PACRGL: variants seen among roughly 807,000 people sequenced by gnomAD.
PACRGL encodes the protein PACRG-like protein.
A neutral mutation model predicts 34.5 loss-of-function variants in PACRGL; 38 were observed. The observed-to-expected ratio is 1.10, with a 90% CI of 0.85 to 1.44. The LOEUF (loss-of-function observed/expected upper bound fraction) is 1.44, where lower values mean the gene tolerates loss of function less well. PACRGL is among the 40% of genes most tolerant of loss of function. The pLI is 0.00. For missense variants in PACRGL, 305 were observed against 281.4 expected (o/e 1.08, Z -0.60); for synonymous variants, 128 against 100.1 (o/e 1.28, Z -1.66).
chr4:20,709,814 A>C, intron 5 of PACRGL, 41 bp downstream of exon 5: 1 of 1,482,430 alleles, frequency 6.7e-7, no homozygotes, highest in South Asian at 1.2e-5. Flanking sequence ...GAAAATAAAC[A>C]TTAAAAATTG....
At chr4:20,698,350 A>G (rs1412450155), upstream of PACRGL, among the ~76,000 whole-genome samples, 3 of 152,124 alleles carry the variant, frequency 2.0e-5, no homozygotes, top group Non-Finnish European at 4.4e-5. Flanking sequence ...AAACCTTAAA[A>G]CCTGAATAGA....
intron 7 of PACRGL, among the ~76,000 whole-genome samples, chr4:20,723,884 C>G (rs1357411317): frequency 6.6e-6 from 1 of 152,116 alleles, no homozygotes; most frequent in African/African-American, 2.4e-5. Context: ...TTACCACTAA[C>G]TATGAGACAG....
chr4:20,702,224 A>C (rs1732488494), intron 1 of PACRGL: 2 of 456,480 alleles, frequency 4.4e-6, no homozygotes, highest in African/African-American at 4.0e-5. Flanking sequence ...CTGAATTGGT[A>C]GGTAGTATTG....
intron 7 of PACRGL, chr4:20,716,134 A>G: frequency 6.7e-7 from 1 of 1,501,658 alleles, no homozygotes. Flanking sequence ...GAGGTTCCCA[A>G]GACCACTCTT....
chr4:20,739,578 C>T (rs1320453094), intron 8 of PACRGL, among the ~76,000 whole-genome samples: 7 of 152,126 alleles, frequency 4.6e-5, no homozygotes, highest in Non-Finnish European at 1.0e-4. Flanking sequence ...CACACCAAAA[C>T]CCCATCTTTA....
chr4:20,740,176 G>A (rs901436979), intron 8 of PACRGL, among the ~76,000 whole-genome samples: 1 of 152,006 alleles, frequency 6.6e-6, no homozygotes, highest in African/African-American at 2.4e-5. Context: ...ATATTATCCA[G>A]GAGAACTTGC....
intron 4 of PACRGL, among the ~76,000 whole-genome samples, chr4:20,708,965 T>TA (rs35039845): frequency 0.42 from 59,192 of 140,644 alleles, 13,059 homozygotes; most frequent in African/African-American, 0.6. Context: ...CATCTCTACT[T>TA]AAAAAAAAAA....
At chr4:20,714,851 T>C (rs1739058949) in intron 7 of PACRGL, among the ~76,000 whole-genome samples, 1 of 152,196 alleles carries the variant, frequency 6.6e-6, no homozygotes, top group Admixed American at 6.5e-5. Flanking sequence ...TCAACCATTG[T>C]GGAAGTCAGT....
At chr4:20,715,444 A>T (rs1044896277) in intron 7 of PACRGL, among the ~76,000 whole-genome samples, 15 of 152,268 alleles carry the variant, frequency 9.9e-5, no homozygotes, top group African/African-American at 3.1e-4. Context: ...TAAAATAAAA[A>T]AAACCTTAAA....
intron 7 of PACRGL, among the ~76,000 whole-genome samples, chr4:20,718,617 T>C (rs1003627047): frequency 2.6e-5 from 4 of 152,260 alleles, no homozygotes; most frequent in Non-Finnish European, 5.9e-5. Context: ...TCTGTTTATA[T>C]GCTGGATTAC....
chr4:20,763,448 CAGA>C, the PACRGL span, among the ~76,000 whole-genome samples: 1 of 152,102 alleles, frequency 6.6e-6, no homozygotes, highest in African/African-American at 2.4e-5. Context: ...CTGTGTCATC[CAGA>C]AGGAGGAAAA....
At chr4:20,704,843 A>C (rs1733824609) in intron 3 of PACRGL, 29 bp downstream of exon 3, 2 of 1,609,350 alleles carry the variant, frequency 1.2e-6, no homozygotes, top group Admixed American at 1.7e-5. Flanking sequence ...CTAACTCAGT[A>C]GATTTTTTAA....
Position 20,730,696 on chromosome 4 carries a change from A to C in PACRGL, c.*3355A>C, listed in dbSNP as rs183615275. ...AGCCTTTAAAAATGAATGGTCTCTC[A>C]ATTACAGAGAAAGAATTGGGGAGCA... On this transcript the variant is annotated 3_prime_UTR_variant, in exon 9 of 9. Transcript: ENST00000503585. Among the ~76,000 whole-genome samples, 2 of 152,296 alleles carry C rather than the reference A, an allele frequency of 1.3e-5. No homozygotes were observed. The highest frequency in any genetic ancestry group is 6.5e-5 in the Admixed American group (1 of 15,290).
intron 3 of PACRGL, 61 bp from the exon 4 acceptor site, chr4:20,707,742 G>A: frequency 7.0e-7 from 1 of 1,423,016 alleles, no homozygotes; most frequent in Non-Finnish European, 9.9e-7. Flanking sequence ...AAAGCAAAAT[G>A]GCTGTGTGCT....
At chr4:20,707,768 A>G (rs1244081858) in intron 3 of PACRGL, 35 bp from the exon 4 acceptor site, 2 of 1,571,182 alleles carry the variant, frequency 1.3e-6, no homozygotes, top group East Asian at 2.2e-5. Context: ...CCTCAGAAGT[A>G]TAGGTGATAG....
At chr4:20,707,931 C>T in intron 4 of PACRGL, 61 bp downstream of exon 4, 2 of 1,230,724 alleles carry the variant, frequency 1.6e-6, no homozygotes, top group Admixed American at 1.8e-5. Context: ...AAAATGAATA[C>T]AATATTTAGT....
Position 20,730,045 on chromosome 4 carries a change from C to A in PACRGL, c.*2704C>A. On this transcript the variant is annotated 3_prime_UTR_variant, in exon 9 of 9. Transcript: ENST00000503585. Reference sequence around the variant, plus strand: ...CAACTTTAAGGGTGGTAGAATAGTTCACATTTGTCTGTTGGATTCAGGATC... The same window carrying A: ...CAACTTTAAGGGTGGTAGAATAGTTAACATTTGTCTGTTGGATTCAGGATC... 6.3e-7 allele frequency: 1 copy of A among 1,591,164 alleles called. No homozygotes were observed.
chr4:20,748,192 C>G (rs1752773215), intron 8 of PACRGL, among the ~76,000 whole-genome samples: 1 of 152,128 alleles, frequency 6.6e-6, no homozygotes, highest in Non-Finnish European at 1.5e-5. Flanking sequence ...ATGTCAACTT[C>G]TGGCCTCTAT....
chr4:20,708,863 A>C (rs1249499304), intron 4 of PACRGL, among the ~76,000 whole-genome samples: 1 of 152,170 alleles, frequency 6.6e-6, no homozygotes, highest in South Asian at 2.1e-4. Context: ...TTCCTCAGTA[A>C]AGGCTGTAAT....
Sources: allele counts gnomAD v4.1 joint callset (sites outside exome capture counted in the v4.1 genomes callset), GRCh38; gene constraint gnomAD v4.1.1; transcripts MANE v1.5; gene names NCBI Gene and HGNC (gene_info 2026-07-23, HGNC 2026-07-21).